Variants in ADA observed in about 807,000 individuals in gnomAD.
ADA encodes adenosine deaminase, also known as adenosine aminohydrolase.
A neutral mutation model predicts 49.0 loss-of-function variants in ADA; 45 were observed. The observed-to-expected ratio is 0.92, with a 90% confidence interval of 0.72 to 1.18. The LOEUF (loss-of-function observed/expected upper bound fraction) is 1.18, where lower values mean the gene tolerates loss of function less well. Ranked by LOEUF, ADA falls within the 50% of genes most tolerant of loss-of-function variation. The pLI is 0.00. For synonymous variants in ADA, 173 were observed against 184.2 expected, an observed-to-expected ratio of 0.94 and a Z score of 0.49; for missense variants, 445 against 472.5, an observed-to-expected ratio of 0.94 and a Z score of 0.54.
chr20:44,620,272 T>C (rs751442132), intron 11 of ADA, 27 bp downstream of exon 11: 3 of 1,599,130 alleles, frequency 1.9e-6, no homozygotes, highest in Admixed American at 1.7e-5. Context: ...ACAGGGCAAC[T>C]GCCCAGAAGC....
intron 1 of ADA, among the ~76,000 whole-genome samples, chr20:44,638,446 G>A (rs781444319): frequency 1.9e-4 from 29 of 152,074 alleles, no homozygotes; most frequent in South Asian, 6.2e-4. Flanking sequence ...GCGTGGTGGC[G>A]CACACCTGTA....
intron 1 of ADA, among the ~76,000 whole-genome samples, chr20:44,640,955 CTGA>C (rs1383160367): frequency 1.3e-5 from 2 of 151,908 alleles, no homozygotes; most frequent in Non-Finnish European, 2.9e-5. Context: ...GCATGTGGCT[CTGA>C]TGATATCTTG....
At chr20:44,639,550 C>T (rs2065512841) in intron 1 of ADA, among the ~76,000 whole-genome samples, 1 of 152,052 alleles carries the variant, frequency 6.6e-6, no homozygotes, top group Non-Finnish European at 1.5e-5. Flanking sequence ...GTAGTTGGGA[C>T]TACAGGCACC....
At chr20:44,620,737 G>T (rs551399731) in intron 10 of ADA, 1 of 564,762 alleles carries the variant, frequency 1.8e-6, no homozygotes, top group Non-Finnish European at 3.2e-6. Context: ...GAGTGTGCAA[G>T]ACTTCATAGC....
intron 1 of ADA, among the ~76,000 whole-genome samples, chr20:44,641,123 G>A (rs955986491): frequency 1.3e-5 from 2 of 152,090 alleles, no homozygotes; most frequent in Admixed American, 6.5e-5. Flanking sequence ...CTTGTCCGTC[G>A]GGCTAAAAGC....
Position 44,625,666 on chromosome 20 carries a change from G to A in ADA, c.381C>T (p.Asp127=), listed in dbSNP as rs7344760. The change falls in exon 5 of 12, where the codon GAC becomes GAT. Residue 127 remains aspartate, a synonymous_variant. Coordinates refer to ENST00000372874, the MANE Select transcript of ADA (RefSeq NM_000022.4). ...WNQAEGDLTP[D]EVVALVGQGL... ...CCTGGCCCACTAGGGCCACCACCTC[G>A]TCTGGGGTGAGGTCCCCTCTGTGTG... The A allele has an allele frequency of 2.9e-5, 46 of 1,565,802 alleles. No individual in the cohort carries two copies. The highest frequency in any genetic ancestry group is 1.5e-4 in the Admixed American group (8 of 53,142).
intron 2 of ADA, among the ~76,000 whole-genome samples, chr20:44,630,302 G>GCTA (rs1304544831): frequency 2.0e-5 from 3 of 150,900 alleles, no homozygotes; most frequent in African/African-American, 7.3e-5. Context: ...CCGAGATCAT[G>GCTA]CTACTGCACT....
intron 1 of ADA, among the ~76,000 whole-genome samples, chr20:44,637,658 G>A (rs748713389): frequency 2.0e-5 from 3 of 152,210 alleles, no homozygotes; most frequent in Non-Finnish European, 4.4e-5. Flanking sequence ...AGGGCGTCTA[G>A]GAGCACATAC....
Position 44,636,207 on chromosome 20 carries a change from G to T in ADA, c.95+20C>A. ...CCCACTCAAATCCCAGGGAGAGAGG[G>T]CTCTTCTGTATGGACTTACCTGCCA... On this transcript the variant is annotated intron_variant, in intron 2 of 11. Transcript: ENST00000372874. 6.2e-7 allele frequency: 1 copy of T among 1,601,216 alleles called. No homozygotes were observed. The highest frequency in any genetic ancestry group is 8.5e-7 in the Non-Finnish European group (1 of 1,171,494).
rs762216021 is a variant in ADA at position 44,622,856 on chromosome 20, C to G, written c.753G>C (p.Arg251Ser). The change falls in exon 8 of 12, where the codon AGG becomes AGC. Residue 251 changes from arginine (R) to serine (S), a missense_variant. Physicochemically the swap from Arg to Ser is moderately radical, Grantham distance 110. Coordinates refer to ENST00000372874, the MANE Select transcript of ADA (RefSeq NM_000022.4). ...HTLEDQALYN[R>S]LRQENMHFEI... Reference sequence around the variant, plus strand: ...CGAAGTGCATGTTTTCCTGCCGCAGCCTGTTATAAAGGGCCTGGTCTTCCA... The same window carrying G: ...CGAAGTGCATGTTTTCCTGCCGCAGGCTGTTATAAAGGGCCTGGTCTTCCA... 1.2e-6 allele frequency: 2 copies of G among 1,614,206 alleles called. No individual in the cohort carries two copies. The highest frequency in any genetic ancestry group is 1.1e-5 in the South Asian group (1 of 91,084).
chr20:44,641,510 G>T (rs2065534247), intron 1 of ADA, among the ~76,000 whole-genome samples: 1 of 152,164 alleles, frequency 6.6e-6, no homozygotes, highest in African/African-American at 2.4e-5. Flanking sequence ...TTTTCAAAGG[G>T]GCATGTCTTG....
rs371326273 is a variant in ADA, at chr20:44,626,612, G to A, written c.219-13C>T. The A allele has an allele frequency of 2.2e-5, 36 of 1,613,744 alleles. No homozygotes were observed. The African/African-American group carries it at 4.4e-4, about 20-fold the overall frequency. On this transcript the variant is annotated splice_polypyrimidine_tract_variant and intron_variant, in intron 3 of 11. Coordinates refer to ENST00000372874, the MANE Select transcript of ADA (RefSeq NM_000022.4). ...CTCCCGGCAGCCCCTGGGAAGGGAA[G>A]AAAGGGGTTGGGAACAACCTTCCCC...
rs2065353533 is a variant in ADA, at chr20:44,623,662, CTTCT to C, written c.606+536_606+539del. On this transcript the variant is annotated intron_variant, in intron 6 of 11. Coordinates refer to ENST00000372874, the MANE Select transcript of ADA (RefSeq NM_000022.4). ...CTTTTCTTTCTCTCTCCCTTCCTTC[CTTCT>C]TTCCTTCCTTCCTCCCTCCCTCCCT... 1.3e-5 allele frequency among the ~76,000 whole-genome samples: 2 copies of C among 149,174 alleles called. 1 individual carries two copies. Among genetic ancestry groups the C allele is most frequent in the South Asian group, 4.1e-4 (2 of 4,820 alleles).
At chr20:44,633,715 C>T (rs1484271057) in intron 2 of ADA, among the ~76,000 whole-genome samples, 1 of 152,202 alleles carries the variant, frequency 6.6e-6, no homozygotes, top group Non-Finnish European at 1.5e-5. Flanking sequence ...TTCAGAATCT[C>T]TGTAGAAATA....
rs80308213 is a variant in ADA, at chr20:44,643,938, G to A, written c.33+7637C>T. The stretch of plus-strand genomic sequence containing the variant: ...GATGCGTGCCAGAGAGGTCCAGGGC[G>A]GTGGGTTCACTTACCCAAGGTCACT... On this transcript the variant is annotated intron_variant, in intron 1 of 11. Coordinates refer to ENST00000372874, the MANE Select transcript of ADA (RefSeq NM_000022.4). 8.0e-3 allele frequency among the ~76,000 whole-genome samples: 1,213 copies of A among 151,998 alleles called. 22 individuals carry two copies. Among genetic ancestry groups the A allele is most frequent in the African/African-American group, 0.027 (1,128 of 41,498 alleles).
chr20:44,625,526 G>A, intron 5 of ADA, 43 bp downstream of exon 5: 3 of 1,525,294 alleles, frequency 2.0e-6, no homozygotes, highest in East Asian at 2.4e-5. Flanking sequence ...GTCAGGGCCA[G>A]GGTGAGACGG....
chr20:44,628,560 T>A (rs1459764940), intron 3 of ADA, among the ~76,000 whole-genome samples: 1 of 151,268 alleles, frequency 6.6e-6, no homozygotes, highest in Non-Finnish European at 1.5e-5. Flanking sequence ...AATAAATAAA[T>A]AAAGCAGTCA....
rs767395202 is a variant in ADA at position 44,619,792 on chromosome 20, T to TG, written c.*41dup. On this transcript the variant is annotated 3_prime_UTR_variant, in exon 12 of 12. Coordinates refer to ENST00000372874, the MANE Select transcript of ADA (RefSeq NM_000022.4). ...AAAATGTTGCTCAGCCCCACAGAGT[T>TG]GGGGTGACTCCACAGGGTGAAGGCT... 6.2e-7 allele frequency: 1 copy of TG among 1,613,828 alleles called. No individual in the cohort carries two copies. The highest frequency in any genetic ancestry group is 8.5e-7 in the Non-Finnish European group (1 of 1,179,700).
At chr20:44,631,817 G>T (rs1409621145) in intron 2 of ADA, among the ~76,000 whole-genome samples, 1 of 152,178 alleles carries the variant, frequency 6.6e-6, no homozygotes, top group Non-Finnish European at 1.5e-5. Flanking sequence ...GTGATGTGCT[G>T]GGCACTGGGC....
Sources: allele counts gnomAD v4.1 joint callset (sites outside exome capture counted in the v4.1 genomes callset), GRCh38; gene constraint gnomAD v4.1.1; transcripts MANE v1.5; gene names NCBI Gene and HGNC (gene_info 2026-07-23, HGNC 2026-07-21).